Variants in MAD1L1 observed in about 807,000 individuals in gnomAD.
MAD1L1 encodes the protein mitotic arrest deficient 1 like 1, also known as mitotic spindle assembly checkpoint protein MAD1.
MAD1L1 carries 95 observed loss-of-function variants against 96.9 expected under a neutral mutation model. That is an observed-to-expected ratio of 0.98 (90% CI 0.83 to 1.16). The LOEUF (loss-of-function observed/expected upper bound fraction) is 1.16. MAD1L1 is among the 50% of genes most tolerant of loss of function. The pLI is 0.00. For synonymous variants in MAD1L1, 473 were observed against 396.6 expected (o/e 1.19, Z -2.29); for missense variants, 1,007 against 954.4 (o/e 1.06, Z -0.73).
At chr7:1,818,964 G>A (rs1024085061) in intron 18 of MAD1L1, among the ~76,000 whole-genome samples, 3 of 152,048 alleles carry the variant, frequency 2.0e-5, no homozygotes, top group Non-Finnish European at 4.4e-5. Flanking sequence ...CCAGCCCCCG[G>A]TGAACAAGTC....
chr7:2,014,577 T>C lies in MAD1L1; in HGVS notation c.1284A>G (p.Ser428=), dbSNP rs760844900. The part of the protein sequence containing the change: ...YDSELTPAEY[S]PQLTRRMREA... ...CCCGCATGCGCCGCGTCAGCTGGGGTGAGTACTCGGCCGGGGTCAGCTCGC... is the reference window on the plus strand; with the variant it reads ...CCCGCATGCGCCGCGTCAGCTGGGGCGAGTACTCGGCCGGGGTCAGCTCGC... The change falls in exon 13 of 19, where the codon TCA becomes TCG. Residue 428 remains serine (S), a synonymous_variant. Transcript: ENST00000265854. 18 of 1,611,850 alleles carry C rather than the reference T, an allele frequency of 1.1e-5. No individual in the cohort carries two copies. The African/African-American group carries it at 2.0e-4, about 18-fold the overall frequency.
chr7:1,832,050 A>T (rs1436963022), intron 18 of MAD1L1, among the ~76,000 whole-genome samples: 2 of 152,198 alleles, frequency 1.3e-5, no homozygotes, highest in Non-Finnish European at 2.9e-5. Context: ...TTCTAAGGCT[A>T]TAGTTGTCAC....
chr7:1,873,479 G>A (rs372375937), intron 18 of MAD1L1, among the ~76,000 whole-genome samples: 1 of 151,980 alleles, frequency 6.6e-6, no homozygotes, highest in African/African-American at 2.4e-5. Flanking sequence ...CCCTGGTGGA[G>A]AGCTAGTAGG....
intron 10 of MAD1L1, among the ~76,000 whole-genome samples, chr7:2,161,109 G>GCCCC (rs1562741689): frequency 9.4e-5 from 1 of 10,684 alleles, no homozygotes; most frequent in Non-Finnish European, 1.4e-4. Flanking sequence ...TGGAGCCCCT[G>GCCCC]CCCCTCCCCC....
chr7:1,945,011 C>A (rs537748908), intron 16 of MAD1L1, among the ~76,000 whole-genome samples: 1 of 152,196 alleles, frequency 6.6e-6, no homozygotes, highest in African/African-American at 2.4e-5. Flanking sequence ...GTACGGGCAG[C>A]CCCTCACCTG....
intron 12 of MAD1L1, among the ~76,000 whole-genome samples, chr7:2,064,797 A>AGGCTTCTCCCAGGACAGC (rs148816583): frequency 2.7e-5 from 4 of 149,872 alleles, no homozygotes; most frequent in South Asian, 2.2e-4. Flanking sequence ...CCCAGGACGG[A>AGGCTTCTCCCAGGACAGC]GGCTTCTCCC....
At position 1,816,062 on chromosome 7, in the gene MAD1L1, C is replaced by A; in HGVS notation, c.*8G>T. 1.2e-6 allele frequency: 2 copies of A among 1,604,772 alleles called. No individual in the cohort carries two copies. The highest frequency in any genetic ancestry group is 1.7e-6 in the Non-Finnish European group (2 of 1,175,024). On this transcript the variant is annotated 3_prime_UTR_variant, in exon 19 of 19. Transcript: ENST00000265854. ...GAGTGGCTCCGGCTATGCCCCCGAGCCTGCAGGCTACGCCACGGTCTGGCG... is the reference window on the plus strand; with the variant it reads ...GAGTGGCTCCGGCTATGCCCCCGAGACTGCAGGCTACGCCACGGTCTGGCG...
chr7:1,977,530 G>A (rs1001029146), intron 15 of MAD1L1, among the ~76,000 whole-genome samples: 4 of 152,372 alleles, frequency 2.6e-5, no homozygotes, highest in Middle Eastern at 3.4e-3. Flanking sequence ...AGAGGGAGCC[G>A]GCTCCGGCCT....
At chr7:2,097,273 G>T (rs6973623) in intron 11 of MAD1L1, among the ~76,000 whole-genome samples, 151,301 of 152,186 alleles carry the variant, frequency 0.99, 75,219 homozygotes, top group Non-Finnish European at 1. Flanking sequence ...AGGCCTCAAC[G>T]TCCTTGTTTC....
At chr7:1,824,442 C>A (rs929058891) in intron 18 of MAD1L1, among the ~76,000 whole-genome samples, 2 of 152,218 alleles carry the variant, frequency 1.3e-5, no homozygotes, top group Admixed American at 6.5e-5. Flanking sequence ...AGACACAGAG[C>A]ACAGTGGGAT....
At chr7:1,881,036 G>C (rs989167040) in intron 18 of MAD1L1, among the ~76,000 whole-genome samples, 3 of 152,210 alleles carry the variant, frequency 2.0e-5, no homozygotes, top group Non-Finnish European at 4.4e-5. Flanking sequence ...GGTGAACCAG[G>C]GCCCCGGTGT....
chr7:1,820,885 T>G (rs1782086538), intron 18 of MAD1L1, among the ~76,000 whole-genome samples: 2 of 151,978 alleles, frequency 1.3e-5, no homozygotes, highest in South Asian at 4.2e-4. Context: ...ATCAAGACCA[T>G]CCTGGCTAAC....
chr7:2,040,069 G>A (rs1304672375), intron 12 of MAD1L1, among the ~76,000 whole-genome samples: 1 of 152,194 alleles, frequency 6.6e-6, no homozygotes, highest in Non-Finnish European at 1.5e-5. Context: ...CACTGCAGTT[G>A]GGAGTGAAAG....
intron 17 of MAD1L1, among the ~76,000 whole-genome samples, chr7:1,912,580 C>T (rs1045505573): frequency 2.6e-5 from 4 of 152,230 alleles, no homozygotes; most frequent in Non-Finnish European, 5.9e-5. Flanking sequence ...CCACCGGGAC[C>T]CTGTGCTCCC....
In MAD1L1 at chr7:2,230,459, T is replaced by C. The variant is rs1794137813; in HGVS notation, c.-11+90A>G. On this transcript the variant is annotated intron_variant, in intron 2 of 18. Transcript: ENST00000265854. The stretch of plus-strand genomic sequence containing the variant: ...GCACTCAGGTGGCACGTCCCCCAAC[T>C]GCACTGTAAGAGGGTTCTCCAGAGA... 4.8e-5 allele frequency: 14 copies of C among 289,710 alleles called. 1 individual carries two copies. The South Asian group carries it at 5.7e-4, about 12-fold the overall frequency. The allele number at this position is 289,710 out of a possible 1,614,324, so 17.9% of individuals were successfully genotyped here.
chr7:1,873,200 C>T (rs1205115921), intron 18 of MAD1L1, among the ~76,000 whole-genome samples: 3 of 152,206 alleles, frequency 2.0e-5, no homozygotes, highest in Non-Finnish European at 2.9e-5. Context: ...TGACCCCCAC[C>T]GTAAATGTGT....
chr7:1,897,685 C>A (rs1398404128), intron 18 of MAD1L1, among the ~76,000 whole-genome samples: 1 of 152,266 alleles, frequency 6.6e-6, no homozygotes. Flanking sequence ...ACCAGAAGAG[C>A]GCCTGCTGGC....
At chr7:2,021,164 T>TGATAATG (rs1782773000) in intron 12 of MAD1L1, among the ~76,000 whole-genome samples, 1 of 152,182 alleles carries the variant, frequency 6.6e-6, no homozygotes, top group African/African-American at 2.4e-5. Flanking sequence ...AGTAAGTATC[T>TGATAATG]GCCGTGATAA....
At chr7:1,922,261 C>T (rs537261282) in intron 17 of MAD1L1, among the ~76,000 whole-genome samples, 10 of 152,266 alleles carry the variant, frequency 6.6e-5, no homozygotes, top group African/African-American at 9.6e-5. Context: ...CTGCACCCCA[C>T]GAGCCACGAA....
Sources: allele counts gnomAD v4.1 joint callset (sites outside exome capture counted in the v4.1 genomes callset), GRCh38; gene constraint gnomAD v4.1.1; transcripts MANE v1.5; gene names NCBI Gene and HGNC (gene_info 2026-07-23, HGNC 2026-07-21).